The following DOCK5 variants were observed in gnomAD, a reference collection of about 807,000 sequenced individuals.
DOCK5 encodes dedicator of cytokinesis 5.
In DOCK5, 142 loss-of-function variants were observed where a neutral mutation model predicts 251.8. That is an observed-to-expected ratio of 0.56 (90% confidence interval 0.49 to 0.65). The LOEUF is 0.65. DOCK5 is among the 30% of genes least tolerant of loss of function. DOCK5 has a pLI of 0.00. For missense variants in DOCK5, 2,111 were observed against 2,312.3 expected (o/e 0.91, Z 1.79); for synonymous variants, 842 against 835.5 (o/e 1.01, Z -0.13).
chr8:25,406,035 C>A (rs1419470777), intron 48 of DOCK5, among the ~76,000 whole-genome samples: 1 of 151,766 alleles, frequency 6.6e-6, no homozygotes, highest in African/African-American at 2.4e-5. Flanking sequence ...CTCGGCTCAC[C>A]GCAAGCTCCG....
chr8:25,343,528 G>T (rs768096733), intron 25 of DOCK5, among the ~76,000 whole-genome samples: 5 of 152,142 alleles, frequency 3.3e-5, no homozygotes, highest in Non-Finnish European at 7.3e-5. Flanking sequence ...ATTAATTAGA[G>T]AATTTTGTCT....
chr8:25,319,654 C>A lies in DOCK5; in HGVS notation c.1520C>A (p.Pro507His). 6.3e-7 allele frequency: 1 copy of A among 1,586,722 alleles called. No homozygotes were observed. Among genetic ancestry groups the A allele is most frequent in the Non-Finnish European group, 8.6e-7 (1 of 1,166,442 alleles). ...GTAGTCTATTACCAAGTCAAGCAGC[C>A]CTGTTGGTATGAGACTGTCAAGGTG... ...KSVVYYQVKQ[P>H]CWYETVKVSI... Residue 507 changes from proline (P) to histidine (H), a missense_variant, in exon 15 of 52, where the codon CCC (proline) becomes CAC (histidine). Physicochemically the swap from Pro to His is moderately conservative, Grantham distance 77. Transcript: ENST00000276440.
In DOCK5 at chr8:25,298,062, A is replaced by T. The variant is rs563145307; in HGVS notation, c.607-882A>T. 6.6e-5 allele frequency among the ~76,000 whole-genome samples: 10 copies of T among 151,620 alleles called. No individual in the cohort carries two copies. In the South Asian group the frequency reaches 1.7e-3, roughly 25 times the overall value. ...ACAAAGCAAGACCCTGCCTCTTAAAAAAAAAAAAAAAAAAAACTTACTCAT... is the reference window on the plus strand; with the variant it reads ...ACAAAGCAAGACCCTGCCTCTTAAATAAAAAAAAAAAAAAAACTTACTCAT... On this transcript the variant is annotated intron_variant, in intron 7 of 51. Coordinates refer to ENST00000276440, the MANE Select transcript of DOCK5 (RefSeq NM_024940.8).
intron 44 of DOCK5, 79 bp downstream of exon 44, chr8:25,392,961 G>A (rs778083015): frequency 1.6e-6 from 2 of 1,276,124 alleles, no homozygotes; most frequent in South Asian, 2.6e-5. Flanking sequence ...AATTCCCTCT[G>A]CAGTTCACAC....
At chr8:25,335,684 A>G (rs956010829) in intron 21 of DOCK5, among the ~76,000 whole-genome samples, 4 of 152,154 alleles carry the variant, frequency 2.6e-5, no homozygotes, top group African/African-American at 7.2e-5. Flanking sequence ...CAAAAACTCT[A>G]GAAAGACACA....
intron 2 of DOCK5, among the ~76,000 whole-genome samples, chr8:25,261,071 G>T (rs147788169): frequency 6.6e-6 from 1 of 152,036 alleles, no homozygotes; most frequent in Non-Finnish European, 1.5e-5. Context: ...GAGCCACCAC[G>T]CCCAGAGAGA....
intron 6 of DOCK5, among the ~76,000 whole-genome samples, chr8:25,296,091 AT>A (rs1197283965): frequency 1.3e-5 from 2 of 152,176 alleles, no homozygotes; most frequent in African/African-American, 4.8e-5. Context: ...AAGTGCTAGG[AT>A]TACAGACGTG....
At chr8:25,235,315 G>A (rs765390744) in intron 1 of DOCK5, among the ~76,000 whole-genome samples, 11 of 151,958 alleles carry the variant, frequency 7.2e-5, no homozygotes, top group Non-Finnish European at 1.6e-4. Context: ...CTGTAGCCTC[G>A]ACTGCTACAA....
At chr8:25,266,620 A>G (rs1323028698) in intron 2 of DOCK5, among the ~76,000 whole-genome samples, 1 of 151,936 alleles carries the variant, frequency 6.6e-6, no homozygotes, top group African/African-American at 2.4e-5. Flanking sequence ...TGTGGAAATG[A>G]GCAAACATAT....
At chr8:25,278,829 C>G (rs1804113528) in intron 5 of DOCK5, among the ~76,000 whole-genome samples, 164 bp downstream of exon 5, 1 of 152,174 alleles carries the variant, frequency 6.6e-6, no homozygotes, top group South Asian at 2.1e-4. Context: ...TTCCCCAGAG[C>G]TGGGTCACTG....
At chr8:25,357,985 A>G (rs745752064) in intron 27 of DOCK5, among the ~76,000 whole-genome samples, 2 of 149,800 alleles carry the variant, frequency 1.3e-5, no homozygotes, top group African/African-American at 2.5e-5. Flanking sequence ...AGCAGTGTTA[A>G]TGAATCATCT....
At chr8:25,375,791 G>A (rs893549645) in intron 37 of DOCK5, 1 of 985,342 alleles carries the variant, frequency 1.0e-6, no homozygotes, top group South Asian at 4.7e-5. Context: ...TAAGTTTAGG[G>A]CATTAAAAAG....
At chr8:25,268,060 A>T (rs1409509340) in intron 2 of DOCK5, among the ~76,000 whole-genome samples, 1 of 152,018 alleles carries the variant, frequency 6.6e-6, no homozygotes, top group Admixed American at 6.6e-5. Flanking sequence ...ACGGGGTTTC[A>T]CTATGTTGGC....
intron 22 of DOCK5, among the ~76,000 whole-genome samples, chr8:25,336,965 A>G (rs2049847017): frequency 6.6e-6 from 1 of 152,242 alleles, no homozygotes; most frequent in Non-Finnish European, 1.5e-5. Context: ...TAAGGAAGAA[A>G]GAAAAGGTTT....
chr8:25,324,639 A>G (rs757815901), intron 17 of DOCK5, among the ~76,000 whole-genome samples: 4 of 152,156 alleles, frequency 2.6e-5, no homozygotes, highest in African/African-American at 4.8e-5. Context: ...AATAAAGTAT[A>G]ATTGTCCCCA....
chr8:25,406,180 G>A (rs550703490), intron 48 of DOCK5, among the ~76,000 whole-genome samples: 1 of 152,176 alleles, frequency 6.6e-6, no homozygotes, highest in East Asian at 1.9e-4. Flanking sequence ...GGATGGTGTC[G>A]ATCTCCTGAC....
rs763695534 is a variant in DOCK5 at position 25,372,623 on chromosome 8, G to A, written c.3589G>A (p.Val1197Ile). Reference protein sequence around the residue: ...SSSGEVFALLVSSLLENLLDY... With the variant: ...SSSGEVFALLISSLLENLLDY... ...CTCTGGGGAGGTCTTCGCCCTCCTG[G>A]TCAGCAGCCTCTTAGAGAACCTGCT... Residue 1197 changes from valine (V) to isoleucine (I), a missense_variant, in exon 35 of 52, where the codon GTC becomes ATC. Transcript: ENST00000276440. 1.9e-6 allele frequency: 3 copies of A among 1,608,302 alleles called. No individual in the cohort carries two copies. Among genetic ancestry groups the A allele is most frequent in the Admixed American group, 1.7e-5 (1 of 58,768 alleles).
intron 48 of DOCK5, among the ~76,000 whole-genome samples, chr8:25,407,237 A>AAT (rs1431661864): frequency 1.3e-5 from 2 of 152,016 alleles, no homozygotes; most frequent in Non-Finnish European, 2.9e-5. Context: ...ATTCTAGATT[A>AAT]CTTCTAGAAT....
intron 14 of DOCK5, 124 bp downstream of exon 14, chr8:25,317,255 A>G (rs774427753): frequency 2.3e-5 from 33 of 1,442,442 alleles, no homozygotes; most frequent in Non-Finnish European, 3.0e-5. Context: ...GAGAAAAGAA[A>G]TATAAAGCCT....
Sources: allele counts gnomAD v4.1 joint callset (sites outside exome capture counted in the v4.1 genomes callset), GRCh38; gene constraint gnomAD v4.1.1; transcripts MANE v1.5; gene names NCBI Gene and HGNC (gene_info 2026-07-23, HGNC 2026-07-21).